Variants in TMEM131 observed in about 807,000 individuals in gnomAD.
The protein encoded by TMEM131 is transmembrane protein 131.
TMEM131 carries 66 observed loss-of-function variants against 211.6 expected under a neutral mutation model. That is an observed-to-expected ratio of 0.31 (90% CI 0.26 to 0.38). The LOEUF is 0.38. TMEM131 is among the 10% of genes least tolerant of loss of function. TMEM131 has a pLI of 1.00. For missense variants in TMEM131, 2,036 were observed against 2,299.3 expected, an observed-to-expected ratio of 0.89 and a Z score of 2.34; for synonymous variants, 844 against 841.3, an observed-to-expected ratio of 1.00 and a Z score of -0.06.
intron 1 of TMEM131, among the ~76,000 whole-genome samples, chr2:97,937,606 G>A (rs1340779751): frequency 6.6e-6 from 1 of 151,900 alleles, no homozygotes; most frequent in Non-Finnish European, 1.5e-5. Flanking sequence ...ATTGCTACAA[G>A]AGGAAAAAAG....
chr2:97,952,321 AG>A (rs1678362149), intron 1 of TMEM131, among the ~76,000 whole-genome samples: 1 of 152,202 alleles, frequency 6.6e-6, no homozygotes, highest in Admixed American at 6.5e-5. Flanking sequence ...AAATTAATAC[AG>A]GAAAACTTCC....
intron 1 of TMEM131, among the ~76,000 whole-genome samples, chr2:97,949,184 A>G (rs1678186109): frequency 6.6e-6 from 1 of 152,208 alleles, no homozygotes. Flanking sequence ...ACTATGCAGT[A>G]CTAAAACAGT....
At chr2:97,915,861 T>G (rs1313612945) in intron 2 of TMEM131, among the ~76,000 whole-genome samples, 1 of 152,224 alleles carries the variant, frequency 6.6e-6, no homozygotes, top group Non-Finnish European at 1.5e-5. Flanking sequence ...ATTCAGACTT[T>G]GCATACCATT....
chr2:97,846,023 C>G (rs1683410845), intron 5 of TMEM131, among the ~76,000 whole-genome samples: 1 of 152,210 alleles, frequency 6.6e-6, no homozygotes. Flanking sequence ...TCTGCCAAAG[C>G]TCACTCAAAC....
chr2:97,865,689 G>A (rs1443713901), intron 4 of TMEM131, among the ~76,000 whole-genome samples: 2 of 152,124 alleles, frequency 1.3e-5, no homozygotes, highest in Non-Finnish European at 2.9e-5. Context: ...AGAAGTATTT[G>A]TCTATATTTT....
At chr2:97,766,068 A>G (rs751432599) in intron 35 of TMEM131, 46 bp downstream of exon 35, 2 of 1,607,152 alleles carry the variant, frequency 1.2e-6, no homozygotes, top group Non-Finnish European at 1.7e-6. Flanking sequence ...AGTGGGGTGG[A>G]TTGTGGGTAA....
chr2:97,965,373 G>A (rs368409217), intron 1 of TMEM131, among the ~76,000 whole-genome samples: 2 of 152,156 alleles, frequency 1.3e-5, no homozygotes, highest in East Asian at 1.9e-4. Flanking sequence ...TGAGAGTTCC[G>A]GGCTGTGAGC....
chr2:97,816,212 G>T (rs1286622108), intron 12 of TMEM131, among the ~76,000 whole-genome samples: 1 of 152,050 alleles, frequency 6.6e-6, no homozygotes, highest in East Asian at 1.9e-4. Flanking sequence ...GTGGTGGCAC[G>T]TGCCTGTAAT....
chr2:97,872,401 G>T (rs148931465), intron 4 of TMEM131, among the ~76,000 whole-genome samples: 1 of 152,050 alleles, frequency 6.6e-6, no homozygotes, highest in South Asian at 2.1e-4. Flanking sequence ...TTCTCTCTCG[G>T]AGCTAGTGAG....
rs200041230 is a variant in TMEM131, at chr2:97,812,640, T to G, written c.1727A>C (p.Glu576Ala). The G allele has an allele frequency of 6.3e-7, 1 of 1,586,640 alleles. No individual in the cohort carries two copies. Among genetic ancestry groups the G allele is most frequent in the African/African-American group, 1.4e-5 (1 of 73,430 alleles). Residue 576 changes from glutamate (E) to alanine (A), a missense_variant and splice_region_variant, in exon 16 of 41, where the codon GAG (glutamate) becomes GCG (alanine). Glu to Ala is a moderately radical substitution (Grantham distance 107). Coordinates refer to ENST00000186436, the MANE Select transcript of TMEM131 (RefSeq NM_015348.2). Reference protein sequence around the residue: ...LFAIINSNPIELAIKSWHIIG... With the variant: ...LFAIINSNPIALAIKSWHIIG... ...TTTAGAATAAAAACAGGTTTTTACC[T>G]CAATTGGATTGCTGTTTATAATTGC...
At chr2:97,817,082 C>G (rs1459611737) in intron 12 of TMEM131, among the ~76,000 whole-genome samples, 1 of 152,170 alleles carries the variant, frequency 6.6e-6, no homozygotes, top group East Asian at 1.9e-4. Flanking sequence ...TTTAATTTTA[C>G]ATATTTCTTT....
intron 33 of TMEM131, among the ~76,000 whole-genome samples, chr2:97,767,888 C>T (rs140312323): frequency 1.3e-5 from 2 of 152,298 alleles, no homozygotes; most frequent in African/African-American, 4.8e-5. Context: ...AGGCAATCTG[C>T]TGTGCTCATT....
chr2:97,816,598 C>T (rs1681839624), intron 12 of TMEM131, among the ~76,000 whole-genome samples: 1 of 152,138 alleles, frequency 6.6e-6, no homozygotes, highest in Admixed American at 6.5e-5. Context: ...TTGACTATGG[C>T]AGACACAGAC....
At chr2:97,860,396 C>G (rs1222165919) in intron 4 of TMEM131, among the ~76,000 whole-genome samples, 2 of 152,162 alleles carry the variant, frequency 1.3e-5, no homozygotes, top group Admixed American at 6.5e-5. Context: ...CAAATATACA[C>G]CCTTCTTTCA....
chr2:97,907,683 T>G (rs1410652108), intron 3 of TMEM131, among the ~76,000 whole-genome samples: 1 of 152,188 alleles, frequency 6.6e-6, no homozygotes, highest in Non-Finnish European at 1.5e-5. Context: ...CTTGCTGTCA[T>G]TTAAGGAATA....
intron 1 of TMEM131, among the ~76,000 whole-genome samples, chr2:97,930,471 TGTTA>T (rs1367041047): frequency 2.6e-5 from 4 of 151,848 alleles, no homozygotes; most frequent in Admixed American, 6.6e-5. Flanking sequence ...AAAATATGAA[TGTTA>T]GTTAAAAAAA....
At chr2:97,802,849 TAAG>T (rs1681100111) in intron 22 of TMEM131, 59 bp from the exon 23 acceptor site, 2 of 1,410,320 alleles carry the variant, frequency 1.4e-6, no homozygotes, top group African/African-American at 2.9e-5. Flanking sequence ...CTTCTGAACA[TAAG>T]AAATTCAATT....
At chr2:97,895,512 T>A (rs1019768862) in intron 3 of TMEM131, among the ~76,000 whole-genome samples, 1 of 152,166 alleles carries the variant, frequency 6.6e-6, no homozygotes, top group Admixed American at 6.5e-5. Context: ...CTTTTTTTGG[T>A]TGGTAGGCTA....
intron 1 of TMEM131, among the ~76,000 whole-genome samples, chr2:97,951,924 C>G (rs1414608041): frequency 6.6e-6 from 1 of 152,016 alleles, no homozygotes; most frequent in African/African-American, 2.4e-5. Context: ...TATGGGAGGC[C>G]AAGGCGGGCA....
Sources: gnomAD v4.1 joint callset for allele counts (sites outside exome capture counted in the v4.1 genomes callset) on GRCh38, gnomAD v4.1.1 for gene constraint, MANE v1.5 for transcripts, NCBI Gene and HGNC (gene_info 2026-07-23, HGNC 2026-07-21) for gene names.